Variants in AGBL4 observed in about 807,000 individuals in gnomAD.
AGBL4 encodes the protein AGBL carboxypeptidase 4, also known as cytosolic carboxypeptidase 6.
In AGBL4, 58 loss-of-function variants were observed where a neutral mutation model predicts 66.4. That is an observed-to-expected ratio of 0.87 (90% CI 0.71 to 1.09). AGBL4 has a LOEUF of 1.09. Ranked by LOEUF, AGBL4 falls within the 50% of genes least tolerant of loss-of-function variation. AGBL4 has a pLI of 0.00. For synonymous variants in AGBL4, 234 were observed against 222.9 expected, an observed-to-expected ratio of 1.05 and a Z score of -0.44; for missense variants, 579 against 631.0, an observed-to-expected ratio of 0.92 and a Z score of 0.88.
At chr1:48,784,085 C>T (rs1022486637) in intron 6 of AGBL4, among the ~76,000 whole-genome samples, 5 of 151,920 alleles carry the variant, frequency 3.3e-5, no homozygotes, top group Non-Finnish European at 5.9e-5. Flanking sequence ...ATGGTGTGGC[C>T]TTGGGTATGT....
intron 4 of AGBL4, among the ~76,000 whole-genome samples, chr1:49,139,706 T>C (rs530175663): frequency 6.6e-6 from 1 of 152,298 alleles, no homozygotes; most frequent in South Asian, 2.1e-4. Context: ...ATAACAATAA[T>C]ACTGTTCGTC....
chr1:48,722,920 A>G (rs1647175175), intron 6 of AGBL4, among the ~76,000 whole-genome samples: 1 of 152,142 alleles, frequency 6.6e-6, no homozygotes, highest in African/African-American at 2.4e-5. Flanking sequence ...AGAATACTTT[A>G]CTCACATTAT....
rs548472856 is a variant in AGBL4 at position 48,805,702 on chromosome 1, C to T, written c.634+61489G>A. Among the ~76,000 whole-genome samples the T allele has an allele frequency of 2.0e-5, 3 of 152,304 alleles. No individual in the cohort carries two copies. In the East Asian group the frequency reaches 5.8e-4, roughly 29 times the overall value. ...TCACCACAACGAACCTCAGTTGCTT[C>T]CTTTGTCCAACAGGGACAATATTAC... On this transcript the variant is annotated intron_variant, in intron 6 of 13. Transcript: ENST00000371839.
At chr1:49,014,058 T>C (rs1431513548) in intron 5 of AGBL4, among the ~76,000 whole-genome samples, 3 of 152,202 alleles carry the variant, frequency 2.0e-5, no homozygotes, top group Non-Finnish European at 4.4e-5. Flanking sequence ...TTCTCTCTAA[T>C]GCAATAAAAA....
At chr1:48,943,798 G>T (rs1275444897) in intron 5 of AGBL4, among the ~76,000 whole-genome samples, 1 of 152,122 alleles carries the variant, frequency 6.6e-6, no homozygotes, top group South Asian at 2.1e-4. Context: ...GGTGGTGGTG[G>T]TGTTGATGGT....
chr1:49,142,444 C>T (rs1379681806), intron 4 of AGBL4, among the ~76,000 whole-genome samples: 1 of 152,184 alleles, frequency 6.6e-6, no homozygotes, highest in African/African-American at 2.4e-5. Flanking sequence ...CTTTGGATAA[C>T]TTATTACAAA....
At chr1:49,903,291 G>T (rs1649953509) in intron 1 of AGBL4, among the ~76,000 whole-genome samples, 1 of 152,042 alleles carries the variant, frequency 6.6e-6, no homozygotes, top group African/African-American at 2.4e-5. Flanking sequence ...TATAAGTGGG[G>T]TCTAAACAAC....
Position 49,263,476 on chromosome 1 carries a change from T to A in AGBL4, c.283-17612A>T, listed in dbSNP as rs190479601. On this transcript the variant is annotated intron_variant, in intron 3 of 13. Coordinates refer to ENST00000371839, the MANE Select transcript of AGBL4 (RefSeq NM_032785.4). ...AATACAATAGAAAATAGGCCAAGCATATAATCAGACAAGATATAGAAGGAG... is the reference window on the plus strand; with the variant it reads ...AATACAATAGAAAATAGGCCAAGCAAATAATCAGACAAGATATAGAAGGAG... 3.3e-5 allele frequency among the ~76,000 whole-genome samples: 5 copies of A among 152,140 alleles called. No individual in the cohort carries two copies. The East Asian group carries it at 9.6e-4, about 29-fold the overall frequency.
intron 4 of AGBL4, among the ~76,000 whole-genome samples, chr1:49,067,877 G>C (rs2147926707): frequency 6.6e-6 from 1 of 151,900 alleles, no homozygotes; most frequent in East Asian, 1.9e-4. Context: ...ATTTACATTA[G>C]GTATTTCTCG....
intron 6 of AGBL4, among the ~76,000 whole-genome samples, chr1:48,856,067 G>T (rs894660368): frequency 2.6e-5 from 4 of 152,016 alleles, no homozygotes; most frequent in African/African-American, 4.8e-5. Flanking sequence ...AATTATACAT[G>T]CAGAGAAAAA....
intron 3 of AGBL4, among the ~76,000 whole-genome samples, chr1:49,665,589 A>G (rs1327034772): frequency 6.6e-6 from 1 of 152,176 alleles, no homozygotes; most frequent in Non-Finnish European, 1.5e-5. Context: ...AATTGCCAAG[A>G]TTCTCTATTC....
At chr1:50,000,277 A>G (rs1255073966) in intron 1 of AGBL4, among the ~76,000 whole-genome samples, 4 of 152,160 alleles carry the variant, frequency 2.6e-5, no homozygotes, top group Admixed American at 2.0e-4. Flanking sequence ...ACAGACAATT[A>G]TCAAAAGAAG....
Position 49,314,121 on chromosome 1 carries a change from G to A in AGBL4, c.283-68257C>T, listed in dbSNP as rs564822318. Among the ~76,000 whole-genome samples the A allele has an allele frequency of 3.9e-5, 6 of 152,274 alleles. No homozygotes were observed. In the East Asian group the frequency reaches 1.2e-3, roughly 29 times the overall value. ...TTTTCCCAACACCATCGATTAAATA[G>A]GGAATGCTTTCCCCACTGCTTGTTT... is the stretch of plus-strand genomic sequence containing the variant. On this transcript the variant is annotated intron_variant, in intron 3 of 13. Transcript: ENST00000371839.
chr1:49,269,051 T>G (rs1643994838), intron 3 of AGBL4: 1 of 152,120 alleles, frequency 6.6e-6, no homozygotes, highest in Non-Finnish European at 1.5e-5. Context: ...CATATTCTCT[T>G]TGAAATCCTA....
rs184237349 is a variant in AGBL4, at chr1:48,642,658, A to G, written c.840-8054T>C. Reference sequence around the variant, plus strand: ...GGAAAGTCCATTCCAGAACCAAAAGATTATTTTTCTCTATATAAGAACAAT... The same window carrying G: ...GGAAAGTCCATTCCAGAACCAAAAGGTTATTTTTCTCTATATAAGAACAAT... On this transcript the variant is annotated intron_variant, in intron 8 of 13. Coordinates refer to ENST00000371839, the MANE Select transcript of AGBL4 (RefSeq NM_032785.4). 2.3e-3 allele frequency among the ~76,000 whole-genome samples: 350 copies of G among 152,232 alleles called. 2 individuals are homozygous for G. The highest frequency in any genetic ancestry group is 7.9e-3 in the African/African-American group (330 of 41,542).
At position 49,245,634 on chromosome 1, in the gene AGBL4, G is replaced by C. The variant is rs1651581628; in HGVS notation, c.377+136C>G. ...CCCCAGCTGTACAGCAGATAAACTAGAGTTCTGGGTAAAATTTTCTTTTAA... is the reference window on the plus strand; with the variant it reads ...CCCCAGCTGTACAGCAGATAAACTACAGTTCTGGGTAAAATTTTCTTTTAA... On this transcript the variant is annotated intron_variant, in intron 4 of 13. Coordinates refer to ENST00000371839, the MANE Select transcript of AGBL4 (RefSeq NM_032785.4). The C allele has an allele frequency of 6.9e-6, 4 of 575,706 alleles. 1 individual carries two copies. The South Asian group carries it at 1.0e-4, about 15-fold the overall frequency. 35.7% of individuals were successfully genotyped at this position (575,706 alleles called of 1,614,324 possible).
chr1:49,921,848 A>T (rs576015557), intron 1 of AGBL4, among the ~76,000 whole-genome samples: 192 of 152,214 alleles, frequency 1.3e-3, no homozygotes, highest in African/African-American at 4.4e-3. Flanking sequence ...GATGGTGCCC[A>T]CCCACAGTGA....
At chr1:49,768,360 G>A (rs1389557145) in intron 2 of AGBL4, among the ~76,000 whole-genome samples, 2 of 152,160 alleles carry the variant, frequency 1.3e-5, no homozygotes, top group African/African-American at 4.8e-5. Context: ...GGGATGCAGG[G>A]TTGGATCAAC....
intron 4 of AGBL4, among the ~76,000 whole-genome samples, chr1:49,095,355 A>C (rs1645076465): frequency 1.3e-5 from 2 of 152,200 alleles, no homozygotes; most frequent in African/African-American, 4.8e-5. Flanking sequence ...ATATGGAACC[A>C]AAAACGAGCC....
Sources: allele counts gnomAD v4.1 joint callset (sites outside exome capture counted in the v4.1 genomes callset), GRCh38; gene constraint gnomAD v4.1.1; transcripts MANE v1.5; gene names NCBI Gene and HGNC (gene_info 2026-07-23, HGNC 2026-07-21).